Variants in UNC13C observed in about 807,000 individuals in gnomAD.
The protein encoded by UNC13C is protein unc-13 homolog C.
Under a neutral mutation model 245.4 loss-of-function variants are expected in UNC13C, and 174 were observed. The observed-to-expected ratio is 0.71, with a 90% CI of 0.63 to 0.80. UNC13C has a LOEUF of 0.80. UNC13C is among the 30% of genes least tolerant of loss of function. The pLI is 0.00. For missense variants in UNC13C, 2,829 were observed against 2,602.9 expected (o/e 1.09, Z -1.89); for synonymous variants, 992 against 895.1 (o/e 1.11, Z -1.93).
At chr15:53,958,607 A>G in the UNC13C span, among the ~76,000 whole-genome samples, 2 of 152,152 alleles carry the variant, frequency 1.3e-5, no homozygotes, top group Non-Finnish European at 2.9e-5. Context: ...AGGCTGTCTG[A>G]TCCCCATCAC....
intron 13 of UNC13C, among the ~76,000 whole-genome samples, chr15:54,306,583 G>A (rs1159099187): frequency 6.6e-6 from 1 of 151,788 alleles, no homozygotes; most frequent in African/African-American, 2.4e-5. Context: ...CACATCCGGG[G>A]AATTCTATAT....
intron 1 of UNC13C, among the ~76,000 whole-genome samples, chr15:53,988,132 G>C (rs1461246266): frequency 6.6e-6 from 1 of 151,962 alleles, no homozygotes; most frequent in Non-Finnish European, 1.5e-5. Context: ...TGAGTTCCTT[G>C]AGGGCAAGTC....
chr15:53,986,363 G>C (rs552836212), intron 1 of UNC13C, among the ~76,000 whole-genome samples: 1 of 152,002 alleles, frequency 6.6e-6, no homozygotes, highest in South Asian at 2.1e-4. Flanking sequence ...TCTCGATTTT[G>C]TATTACATTT....
the UNC13C span, among the ~76,000 whole-genome samples, chr15:53,883,204 A>G: frequency 1.3e-5 from 2 of 152,186 alleles, no homozygotes; most frequent in Admixed American, 6.5e-5. Flanking sequence ...TTATCTTACT[A>G]TGAGGCTTTA....
chr15:54,107,139 G>A (rs1567018983), intron 2 of UNC13C, among the ~76,000 whole-genome samples: 1 of 152,092 alleles, frequency 6.6e-6, no homozygotes, highest in South Asian at 2.1e-4. Context: ...AAAGAAAATT[G>A]CGACTAATAT....
intron 19 of UNC13C, among the ~76,000 whole-genome samples, chr15:54,489,696 T>C (rs892498153): frequency 2.0e-5 from 3 of 152,138 alleles, no homozygotes; most frequent in Non-Finnish European, 2.9e-5. Flanking sequence ...AGGACATAGT[T>C]TGGTAACCAG....
intron 29 of UNC13C, among the ~76,000 whole-genome samples, chr15:54,563,938 A>C (rs1897398571): frequency 6.6e-6 from 1 of 152,038 alleles, no homozygotes; most frequent in Non-Finnish European, 1.5e-5. Context: ...TATCTGTGCC[A>C]GTAAGGTAAC....
At chr15:54,166,780 A>C (rs2033176693) in intron 4 of UNC13C, among the ~76,000 whole-genome samples, 1 of 152,208 alleles carries the variant, frequency 6.6e-6, no homozygotes. Context: ...TAAATTTTAA[A>C]TGTGGTACAA....
At chr15:53,885,524 A>G in the UNC13C span, among the ~76,000 whole-genome samples, 1 of 152,280 alleles carries the variant, frequency 6.6e-6, no homozygotes, top group Non-Finnish European at 1.5e-5. Context: ...GTGTCCAATC[A>G]CATTTCTACA....
At chr15:54,165,361 G>T (rs1275713267) in intron 4 of UNC13C, among the ~76,000 whole-genome samples, 1 of 151,974 alleles carries the variant, frequency 6.6e-6, no homozygotes, top group Admixed American at 6.6e-5. Context: ...TGTTATAAGC[G>T]CTATGTGTCA....
chr15:54,054,768 G>C (rs184533266), intron 2 of UNC13C, among the ~76,000 whole-genome samples: 10 of 152,166 alleles, frequency 6.6e-5, no homozygotes, highest in African/African-American at 2.2e-4. Flanking sequence ...GTAAATGAGA[G>C]CCCAAATGAC....
intron 17 of UNC13C, among the ~76,000 whole-genome samples, chr15:54,350,058 C>A (rs1201196078): frequency 6.6e-6 from 1 of 151,876 alleles, no homozygotes; most frequent in African/African-American, 2.4e-5. Context: ...GTGGCACGAA[C>A]TGGGCTCACT....
chr15:53,942,700 G>T, the UNC13C span, among the ~76,000 whole-genome samples: 1 of 152,092 alleles, frequency 6.6e-6, no homozygotes, highest in Admixed American at 6.5e-5. Context: ...GTCTCACTCT[G>T]TCACCCAGGC....
chr15:54,049,805 A>T lies in UNC13C; in HGVS notation c.2983+33919A>T. On this transcript the variant is annotated intron_variant, in intron 2 of 32. Coordinates refer to ENST00000260323, the MANE Select transcript of UNC13C (RefSeq NM_001080534.3). ...CTCCATCTGGAGCCCAGGCAACTAA[A>T]GTAATAGGATGCTCATGAGATTGTG... The T allele has an allele frequency of 1.2e-5, 3 of 251,990 alleles. No homozygotes were observed. The South Asian group carries it at 1.7e-4, about 14-fold the overall frequency. The allele number at this position is 251,990 out of a possible 1,614,324, so 15.6% of individuals were successfully genotyped here. A position where few individuals can be genotyped will look rare whatever the true frequency, so the allele number is the denominator to read the frequency against.
At chr15:54,414,687 G>A (rs1038053632) in intron 18 of UNC13C, among the ~76,000 whole-genome samples, 2 of 151,970 alleles carry the variant, frequency 1.3e-5, no homozygotes, top group Non-Finnish European at 1.5e-5. Flanking sequence ...AAAAGTGAAG[G>A]AGCTCTTGAG....
chr15:53,950,143 T>C, the UNC13C span, among the ~76,000 whole-genome samples: 1 of 152,184 alleles, frequency 6.6e-6, no homozygotes, highest in Non-Finnish European at 1.5e-5. Context: ...GCATCTCTAC[T>C]GCAACTTCTA....
intron 2 of UNC13C, among the ~76,000 whole-genome samples, chr15:54,123,540 T>C (rs146450066): frequency 3.5e-4 from 53 of 152,190 alleles, no homozygotes; most frequent in African/African-American, 1.3e-3. Context: ...TAAATCAAAG[T>C]AATTTATTTT....
At chr15:54,277,302 G>A (rs961051099) in intron 10 of UNC13C, among the ~76,000 whole-genome samples, 1 of 152,148 alleles carries the variant, frequency 6.6e-6, no homozygotes, top group African/African-American at 2.4e-5. Context: ...GACTGGGAGG[G>A]ACAATAAAAT....
rs533000080 is a variant in UNC13C, at chr15:54,024,819, G to A, written c.2983+8933G>A. Among the ~76,000 whole-genome samples the A allele has an allele frequency of 2.0e-3, 310 of 152,264 alleles. 1 individual carries two copies. The highest frequency in any genetic ancestry group is 0.01 in the Middle Eastern group (3 of 294). On this transcript the variant is annotated intron_variant, in intron 2 of 32. Transcript: ENST00000260323. ...AGACCCAGCTACTCTGGAGGCTGAA[G>A]CAGGAGAATGGCGTGAACCCGGGAG...
Sources: gnomAD v4.1 joint callset for allele counts (sites outside exome capture counted in the v4.1 genomes callset) on GRCh38, gnomAD v4.1.1 for gene constraint, MANE v1.5 for transcripts, NCBI Gene and HGNC (gene_info 2026-07-23, HGNC 2026-07-21) for gene names.